VSIG2: variants seen among roughly 807,000 people sequenced by gnomAD.
VSIG2 encodes the protein V-set and immunoglobulin domain-containing protein 2.
A neutral mutation model predicts 29.4 loss-of-function variants in VSIG2; 30 were observed. The ratio of observed to expected loss-of-function variants is 1.02; its 90% CI spans 0.76 to 1.38. VSIG2 has a LOEUF of 1.38. Among genes scored for constraint, VSIG2 ranks in the 40% most tolerant of loss-of-function variants. The pLI is 0.00. For synonymous variants in VSIG2, 178 were observed against 174.2 expected (o/e 1.02, Z -0.17); for missense variants, 421 against 400.8 (o/e 1.05, Z -0.43).
chr11:124,750,914 T>C lies in VSIG2; in HGVS notation c.227A>G (p.Tyr76Cys). The C allele has an allele frequency of 6.2e-7, 1 of 1,614,002 alleles. No homozygotes were observed. The highest frequency in any genetic ancestry group is 8.5e-7 in the Non-Finnish European group (1 of 1,179,954). ...KPISESHPIL[Y>C]FTNGHLYPTG... ...TGGATACAGATGGCCATTGGTGAAGTACAGGATCTGGGGAGAGGCAGAAGA... is the reference window on the plus strand; with the variant it reads ...TGGATACAGATGGCCATTGGTGAAGCACAGGATCTGGGGAGAGGCAGAAGA... Residue 76 changes from tyrosine (Y) to cysteine (C), a missense_variant, in exon 3 of 7, where the codon TAC becomes TGC. Tyr to Cys is a radical substitution (Grantham distance 194, BLOSUM62 -2). Transcript: ENST00000326621.
chr11:124,750,251 G>T (rs11219769), intron 3 of VSIG2, among the ~76,000 whole-genome samples: 56,440 of 152,106 alleles, frequency 0.37, 13,662 homozygotes, highest in African/African-American at 0.7. Flanking sequence ...GCCAGTCTCT[G>T]TGATAGTTTT....
intron 3 of VSIG2, among the ~76,000 whole-genome samples, 161 bp downstream of exon 3, chr11:124,750,553 T>C (rs1467656314): frequency 6.6e-6 from 1 of 151,874 alleles, no homozygotes; most frequent in Non-Finnish European, 1.5e-5. Context: ...AGTATGACCA[T>C]CTGAATTAGA....
Position 124,750,811 on chromosome 11 carries a change from G to A in VSIG2, c.330C>T (p.Asp110=), listed in dbSNP as rs748773254. 34 of 1,614,008 alleles carry A rather than the reference G, an allele frequency of 2.1e-5. No homozygotes were observed. Among genetic ancestry groups the A allele is most frequent in the Middle Eastern group, 3.3e-4 (2 of 6,076 alleles). The change falls in exon 3 of 7, where the codon GAC becomes GAT. Residue 110 remains aspartate, a synonymous_variant. Coordinates refer to ENST00000326621, the MANE Select transcript of VSIG2 (RefSeq NM_014312.5). Reference sequence around the variant, plus strand: ...AGGTTCCAGTATCTGAGGGGTGGACGTCAGTCAGTTTCAGTGTGGCCACCC... The same window carrying A: ...AGGTTCCAGTATCTGAGGGGTGGACATCAGTCAGTTTCAGTGTGGCCACCC... ...TVGVATLKLT[D]VHPSDTGTYL... is the part of the protein sequence containing the mutation.
In VSIG2 at chr11:124,752,231, G is replaced by T. The variant is rs899497926; in HGVS notation, c.-94C>A. On this transcript the variant is annotated 5_prime_UTR_variant, in exon 1 of 7. Transcript: ENST00000326621. Reference sequence around the variant, plus strand: ...GGGAAGGGAGCACCCAAGGGCAGCCGCCCGGGCTGGGCAGGAGCGAGACTG... The same window carrying T: ...GGGAAGGGAGCACCCAAGGGCAGCCTCCCGGGCTGGGCAGGAGCGAGACTG... 3 of 1,335,404 alleles carry T rather than the reference G, an allele frequency of 2.2e-6. No individual in the cohort carries two copies. Among genetic ancestry groups the T allele is most frequent in the Non-Finnish European group, 3.0e-6 (3 of 1,001,716 alleles). 82.7% of individuals were successfully genotyped at this position (1,335,404 alleles called of 1,614,324 possible).
At chr11:124,750,395 G>A (rs1251159584) in intron 3 of VSIG2, among the ~76,000 whole-genome samples, 1 of 152,170 alleles carries the variant, frequency 6.6e-6, no homozygotes, top group African/African-American at 2.4e-5. Flanking sequence ...CCTTGGGAGG[G>A]ACAGAATCCA....
At position 124,750,736 on chromosome 11, in the gene VSIG2, C is replaced by A. The variant is rs772336115; in HGVS notation, c.405G>T (p.Gly135=). The A allele has an allele frequency of 5.6e-6, 9 of 1,613,834 alleles. No homozygotes were observed. The African/African-American group carries it at 9.3e-5, about 17-fold the overall frequency. The change falls in exon 3 of 7, where the codon GGG becomes GGT. Residue 135 remains glycine, a synonymous_variant. Coordinates refer to ENST00000326621, the MANE Select transcript of VSIG2 (RefSeq NM_014312.5). ...NPPDFYTNGL[G]LINLTVLVPP... ...TACCCAGCACAGTAAGGTTGATTAG[C>A]CCCAACCCATTGGTGTAGAAATCTG... is the stretch of plus-strand genomic sequence containing the variant.
chr11:124,748,297 T>A (rs1168868310), intron 6 of VSIG2, 93 bp downstream of exon 6: 33 of 1,370,508 alleles, frequency 2.4e-5, no homozygotes, highest in Non-Finnish European at 1.0e-5. Flanking sequence ...CTAAACACAC[T>A]GAATGATGTC....
chr11:124,752,207 G>A lies in VSIG2; in HGVS notation c.-70C>T. On this transcript the variant is annotated 5_prime_UTR_variant, in exon 1 of 7. Transcript: ENST00000326621. ...CAAGGTCGGTCTGGGTGTCGGGCAG[G>A]GAAGGGAGCACCCAAGGGCAGCCGC... The A allele has an allele frequency of 6.8e-7, 1 of 1,469,694 alleles. No individual in the cohort carries two copies. Among genetic ancestry groups the A allele is most frequent in the Non-Finnish European group, 9.0e-7 (1 of 1,110,698 alleles). 91.0% of individuals were successfully genotyped at this position (1,469,694 alleles called of 1,614,324 possible).
chr11:124,748,776 G>A lies in VSIG2; in HGVS notation c.587-13C>T. The A allele has an allele frequency of 1.2e-6, 2 of 1,614,152 alleles. No individual in the cohort carries two copies. The highest frequency in any genetic ancestry group is 2.2e-5 in the South Asian group (2 of 91,048). ...CCAGACACCTCATCTAGAGGATGAAGAGGAAGTGTTCCACGACTCATTCAA... is the reference window on the plus strand; with the variant it reads ...CCAGACACCTCATCTAGAGGATGAAAAGGAAGTGTTCCACGACTCATTCAA... On this transcript the variant is annotated splice_polypyrimidine_tract_variant and intron_variant, in intron 4 of 6. Coordinates refer to ENST00000326621, the MANE Select transcript of VSIG2 (RefSeq NM_014312.5).
At chr11:124,749,249 T>A (rs988275885) in intron 4 of VSIG2, among the ~76,000 whole-genome samples, 5 of 151,942 alleles carry the variant, frequency 3.3e-5, no homozygotes, top group African/African-American at 1.2e-4. Flanking sequence ...GATAAAGGAG[T>A]TTGCTGGGGC....
chr11:124,751,442 G>C lies in VSIG2; in HGVS notation c.200C>G (p.Pro67Arg). ...GCTCACTGGATGGGACTCAGAGATGGGTTTCCCAGGCTGCACAAAGCTCCA... is the reference window on the plus strand; with the variant it reads ...GCTCACTGGATGGGACTCAGAGATGCGTTTCCCAGGCTGCACAAAGCTCCA... ...LEWSFVQPGK[P>R]ISESHPILYF... The change falls in exon 2 of 7, where the codon CCC becomes CGC. Residue 67 changes from proline (P) to arginine (R), a missense_variant. Coordinates refer to ENST00000326621, the MANE Select transcript of VSIG2 (RefSeq NM_014312.5). 5.0e-6 allele frequency: 8 copies of C among 1,612,632 alleles called. No homozygotes were observed. Among genetic ancestry groups the C allele is most frequent in the Non-Finnish European group, 6.8e-6 (8 of 1,180,016 alleles).
chr11:124,750,013 C>A, intron 3 of VSIG2, 147 bp from the exon 4 acceptor site: 1 of 928,712 alleles, frequency 1.1e-6, no homozygotes, highest in South Asian at 2.4e-5. Flanking sequence ...ACTGCATCCC[C>A]AGGAACTGAG....
In VSIG2 at chr11:124,747,654, C is replaced by G. The variant is rs777837215; in HGVS notation, c.865G>C (p.Ala289Pro). Reference sequence around the variant, plus strand: ...CAAGTGTGCTCAGAGATCCCAGGAGCGATGGCATCCTCCCTGATGGGTATA... The same window carrying G: ...CAAGTGTGCTCAGAGATCCCAGGAGGGATGGCATCCTCCCTGATGGGTATA... ...GGSDLREDAI[A>P]PGISEHTCMR... Residue 289 changes from alanine (A) to proline (P), a missense_variant, in exon 7 of 7, where the codon GCT becomes CCT. By Grantham distance (27) the Ala-to-Pro change is conservative. Transcript: ENST00000326621. 5.6e-6 allele frequency: 9 copies of G among 1,613,498 alleles called. No homozygotes were observed. In the Admixed American group the frequency reaches 1.5e-4, roughly 27 times the overall value.
In VSIG2 at chr11:124,748,647, TCA is replaced by T. The variant is rs1944044932; in HGVS notation, c.701_702del (p.Val234AspfsTer47). 21 of 1,612,786 alleles carry T rather than the reference TCA, an allele frequency of 1.3e-5. No homozygotes were observed. Among genetic ancestry groups the T allele is most frequent in the Non-Finnish European group, 1.8e-5 (21 of 1,179,178 alleles). On this transcript the variant is annotated frameshift_variant, in exon 5 of 7. Coordinates refer to ENST00000326621, the MANE Select transcript of VSIG2 (RefSeq NM_014312.5). LOFTEE classifies it high-confidence loss of function. ...GSASCELTLS[V>X]TEPSQGRVAG... ...GGCCTCCACCCAGCATCCCTACCGG[TCA>T]CAGAGAGGGTCAGCTCACAGGATGC...
intron 6 of VSIG2, among the ~76,000 whole-genome samples, chr11:124,747,912 T>C (rs562708577): frequency 4.6e-4 from 70 of 152,160 alleles, no homozygotes; most frequent in Non-Finnish European, 7.9e-4. Flanking sequence ...GGACTCCACC[T>C]GGAGAAATGT....
intron 2 of VSIG2, 113 bp downstream of exon 2, chr11:124,751,310 C>G (rs1277724061): frequency 1.5e-6 from 2 of 1,348,656 alleles, no homozygotes; most frequent in Non-Finnish European, 2.1e-6. Flanking sequence ...AGCCCACTTA[C>G]CTTTTCATCC....
chr11:124,748,872 A>G (rs1944048661), intron 4 of VSIG2, 109 bp from the exon 5 acceptor site: 1 of 1,547,556 alleles, frequency 6.5e-7, no homozygotes, highest in South Asian at 1.2e-5. Context: ...GGGAGCAACT[A>G]ATTTTTTTTC....
In VSIG2 at chr11:124,747,606, C is replaced by T. The variant is rs762516354; in HGVS notation, c.913G>A (p.Gly305Arg). 5.6e-6 allele frequency: 9 copies of T among 1,613,806 alleles called. No individual in the cohort carries two copies. Among genetic ancestry groups the T allele is most frequent in the Middle Eastern group, 1.7e-4 (1 of 6,058 alleles). The change falls in exon 7 of 7, where the codon GGG becomes AGG. Residue 305 changes from glycine to arginine, a missense_variant. Transcript: ENST00000326621. ...GCAGACGAGGGTCTTTCCAGGAACC[C>T]CTTGCTAGAATCAGCCCTCATACAA... is the stretch of plus-strand genomic sequence containing the variant. ...HTCMRADSSK[G>R]FLERPSSAST...
In VSIG2 at chr11:124,751,516, C is replaced by G; in HGVS notation, c.126G>C (p.Glu42Asp). 1 of 1,612,642 alleles carries G rather than the reference C, an allele frequency of 6.2e-7. No homozygotes were observed. Among genetic ancestry groups the G allele is most frequent in the Non-Finnish European group, 8.5e-7 (1 of 1,179,938 alleles). Residue 42 changes from glutamate to aspartate, a missense_variant, in exon 2 of 7, where the codon GAG (glutamate) becomes GAC (aspartate). Glu to Asp is a conservative substitution (Grantham distance 45, BLOSUM62 2). Coordinates refer to ENST00000326621, the MANE Select transcript of VSIG2 (RefSeq NM_014312.5). ...PLSTPLGKTAELTCTYSTSVG... is the reference protein window; with the variant it reads ...PLSTPLGKTADLTCTYSTSVG... ...CCGACGTGCTGTAGGTGCAGGTCAG[C>G]TCGGCTGTCTTCCCCAGGGGCGTGC...
Sources: allele counts gnomAD v4.1 joint callset (sites outside exome capture counted in the v4.1 genomes callset), GRCh38; gene constraint gnomAD v4.1.1; transcripts MANE v1.5; gene names NCBI Gene and HGNC (gene_info 2026-07-23, HGNC 2026-07-21).